The following CNOT6L variants were observed in gnomAD, a reference collection of about 807,000 sequenced individuals.
The protein encoded by CNOT6L is CCR4-NOT transcription complex subunit 6-like.
Under a neutral mutation model 64.0 loss-of-function variants are expected in CNOT6L, and 7 were observed. The ratio of observed to expected loss-of-function variants is 0.11; its 90% CI spans 0.06 to 0.21. The LOEUF (loss-of-function observed/expected upper bound fraction) is 0.21, where lower values mean the gene tolerates loss of function less well. Ranked by LOEUF, CNOT6L falls within the 10% of genes least tolerant of loss-of-function variation. CNOT6L has a pLI of 1.00. For synonymous variants in CNOT6L, 193 were observed against 243.4 expected, an observed-to-expected ratio of 0.79 and a Z score of 1.93; for missense variants, 245 against 669.0, an observed-to-expected ratio of 0.37 and a Z score of 6.99.
chr4:77,769,810 T>C (rs965719050), intron 4 of CNOT6L, among the ~76,000 whole-genome samples: 2 of 152,132 alleles, frequency 1.3e-5, no homozygotes, highest in Non-Finnish European at 2.9e-5. Context: ...CAAGTAATCC[T>C]TGGAAGAAAG....
rs1720742301 is a variant in CNOT6L, at chr4:77,716,300, C to G, written c.*4131G>C. 6.6e-6 allele frequency: 1 copy of G among 152,022 alleles called. No homozygotes were observed. Among genetic ancestry groups the G allele is most frequent in the African/African-American group, 2.4e-5 (1 of 41,406 alleles). 9.4% of individuals were successfully genotyped at this position (152,022 alleles called of 1,614,324 possible). A position where few individuals can be genotyped will look rare whatever the true frequency, so the allele number is the denominator to read the frequency against. On this transcript the variant is annotated 3_prime_UTR_variant, in exon 12 of 12. Transcript: ENST00000504123. Reference sequence around the variant, plus strand: ...ATATTTTGCAAAGCTATTAAAATATCTCAGAAACAGAATAAAAAAGCTTAG... The same window carrying G: ...ATATTTTGCAAAGCTATTAAAATATGTCAGAAACAGAATAAAAAAGCTTAG...
At chr4:77,802,740 T>C (rs1455792190) in intron 1 of CNOT6L, among the ~76,000 whole-genome samples, 3 of 152,192 alleles carry the variant, frequency 2.0e-5, no homozygotes, top group Non-Finnish European at 2.9e-5. Flanking sequence ...AACTATCATT[T>C]TACAGATGAG....
rs1049604229 is a variant in CNOT6L at position 77,715,840 on chromosome 4, T to C, written c.*4591A>G. On this transcript the variant is annotated 3_prime_UTR_variant, in exon 12 of 12. Transcript: ENST00000504123. ...AAAATGAAAGATGCTCTTGGCATCC[T>C]GTTCTTAAACAGATTAGAACTTTGG... is the stretch of plus-strand genomic sequence containing the variant. 6.6e-6 allele frequency: 1 copy of C among 152,406 alleles called. No homozygotes were observed. Among genetic ancestry groups the C allele is most frequent in the Non-Finnish European group, 1.5e-5 (1 of 67,882 alleles). The allele number at this position is 152,406 out of a possible 1,614,324, so 9.4% of individuals were successfully genotyped here. A position where few individuals can be genotyped will look rare whatever the true frequency, so the allele number is the denominator to read the frequency against.
intron 10 of CNOT6L, among the ~76,000 whole-genome samples, 177 bp from the exon 11 acceptor site, chr4:77,726,546 A>C (rs911152596): frequency 6.6e-6 from 1 of 152,252 alleles, no homozygotes; most frequent in African/African-American, 2.4e-5. Context: ...CAGCCATTTC[A>C]TATGAGTCAA....
At position 77,726,264 on chromosome 4, in the gene CNOT6L, T is replaced by C. The variant is rs747411145; in HGVS notation, c.1358A>G (p.Asn453Ser). 9.3e-6 allele frequency: 15 copies of C among 1,613,926 alleles called. No homozygotes were observed. The highest frequency in any genetic ancestry group is 6.6e-5 in the South Asian group (6 of 91,090). ...TGTGATTCTCCCTTCTGAGCTTCCATTCTTTCCATTGCAGCTGAAGTTCAT... is the reference window on the plus strand; with the variant it reads ...TGTGATTCTCCCTTCTGAGCTTCCACTCTTTCCATTGCAGCTGAAGTTCAT... ...CLMNFSCNGK[N>S]GSSEGRITHG... Residue 453 changes from asparagine to serine, a missense_variant, in exon 11 of 12, where the codon AAT becomes AGT. This residue lies in a region of CNOT6L where 20 missense variants were observed against 38.3 expected (regional missense o/e 0.52). Coordinates refer to ENST00000504123, the MANE Select transcript of CNOT6L (RefSeq NM_144571.3).
chr4:77,742,360 G>C (rs542335215), intron 7 of CNOT6L, 65 bp from the exon 8 acceptor site: 15 of 1,399,778 alleles, frequency 1.1e-5, no homozygotes, highest in Non-Finnish European at 8.9e-6. Flanking sequence ...ATATAAAAAT[G>C]TTCAGCATTA....
At chr4:77,763,058 G>T (rs755574068) in intron 4 of CNOT6L, among the ~76,000 whole-genome samples, 1 of 151,934 alleles carries the variant, frequency 6.6e-6, no homozygotes, top group Admixed American at 6.6e-5. Context: ...AATTTCAAAC[G>T]AAGAGAAAGT....
At chr4:77,752,968 T>C (rs577437787) in intron 5 of CNOT6L, among the ~76,000 whole-genome samples, 2 of 150,314 alleles carry the variant, frequency 1.3e-5, no homozygotes, top group South Asian at 4.2e-4. Context: ...TCTGCATAAA[T>C]TAATATCTGA....
At chr4:77,801,556 A>T (rs1157813244) in intron 1 of CNOT6L, among the ~76,000 whole-genome samples, 1 of 152,184 alleles carries the variant, frequency 6.6e-6, no homozygotes, top group African/African-American at 2.4e-5. Context: ...GTCAAGGAAT[A>T]CAGTTTGATA....
chr4:77,787,692 G>A (rs1181245377), intron 1 of CNOT6L, among the ~76,000 whole-genome samples: 1 of 152,132 alleles, frequency 6.6e-6, no homozygotes, highest in Non-Finnish European at 1.5e-5. Flanking sequence ...TTCTAAATTT[G>A]GGATTCTTTA....
At chr4:77,739,291 G>T (rs1340457492) in intron 8 of CNOT6L, among the ~76,000 whole-genome samples, 1 of 152,160 alleles carries the variant, frequency 6.6e-6, no homozygotes, top group Non-Finnish European at 1.5e-5. Context: ...GATTACAGAA[G>T]AAAGAGACTG....
At chr4:77,738,348 A>G (rs1393716272) in intron 8 of CNOT6L, among the ~76,000 whole-genome samples, 1 of 152,146 alleles carries the variant, frequency 6.6e-6, no homozygotes, top group Non-Finnish European at 1.5e-5. Flanking sequence ...TTTCATCTTC[A>G]TATTTTCCCC....
chr4:77,774,755 G>A, intron 2 of CNOT6L, 39 bp from the exon 3 acceptor site: 1 of 1,365,608 alleles, frequency 7.3e-7, no homozygotes, highest in Admixed American at 3.0e-5. Context: ...AAAAACCCCA[G>A]GCCCAAGATG....
At position 77,803,836 on chromosome 4, in the gene CNOT6L, A is replaced by G. The variant is rs61133738; in HGVS notation, c.5+15468T>C. 1.8e-3 allele frequency among the ~76,000 whole-genome samples: 269 copies of G among 151,800 alleles called. 2 individuals are homozygous for G. Among genetic ancestry groups the G allele is most frequent in the African/African-American group, 5.4e-3 (225 of 41,382 alleles). ...GAGAATCGCTTGAACCCGGGAGGCCAAGGCTGCAGTGAGCCGAGATCATGC... is the reference window on the plus strand; with the variant it reads ...GAGAATCGCTTGAACCCGGGAGGCCGAGGCTGCAGTGAGCCGAGATCATGC... On this transcript the variant is annotated intron_variant, in intron 1 of 11. Transcript: ENST00000504123.
At chr4:77,805,520 TTC>T (rs1193675915) in intron 1 of CNOT6L, among the ~76,000 whole-genome samples, 3 of 152,220 alleles carry the variant, frequency 2.0e-5, no homozygotes, top group Admixed American at 6.5e-5. Flanking sequence ...TACCTGTGAT[TTC>T]TGTCACTAAC....
chr4:77,804,383 C>G (rs1036268692), intron 1 of CNOT6L, among the ~76,000 whole-genome samples: 1 of 150,380 alleles, frequency 6.6e-6, no homozygotes, highest in Non-Finnish European at 1.5e-5. Context: ...GAACCGGTAT[C>G]GTGCCACTGC....
rs1723914552 is a variant in CNOT6L at position 77,744,026 on chromosome 4, C to T, written c.717+692G>A. Among the ~76,000 whole-genome samples the T allele has an allele frequency of 2.6e-5, 4 of 152,190 alleles. No homozygotes were observed. In the South Asian group the frequency reaches 8.3e-4, roughly 32 times the overall value. Reference sequence around the variant, plus strand: ...TGTATCAAAACATCACAATGTACCCCATAAACATATACAATTATTTGTCAA... The same window carrying T: ...TGTATCAAAACATCACAATGTACCCTATAAACATATACAATTATTTGTCAA... On this transcript the variant is annotated intron_variant, in intron 7 of 11. Transcript: ENST00000504123.
At chr4:77,808,481 AG>A in intron 1 of CNOT6L, among the ~76,000 whole-genome samples, 3 of 150,812 alleles carry the variant, frequency 2.0e-5, no homozygotes, top group African/African-American at 4.9e-5. Flanking sequence ...AAAAAAAAAA[AG>A]AGAAGAGAAA....
rs2062637 is a variant in CNOT6L at position 77,747,646 on chromosome 4, C to A, written c.559+670G>T. 0.013 allele frequency among the ~76,000 whole-genome samples: 1,965 copies of A among 152,064 alleles called. 83 individuals are homozygous for A. The East Asian group carries it at 0.16, about 12-fold the overall frequency. ...ACTTATTTTAAGTAGAATTCCCAAG[C>A]CTAAAATGTCAAATATGAAGAAGCT... On this transcript the variant is annotated intron_variant, in intron 6 of 11. Transcript: ENST00000504123.
Sources: gnomAD v4.1 joint callset for allele counts (sites outside exome capture counted in the v4.1 genomes callset) on GRCh38, gnomAD v4.1.1 for gene constraint, gnomAD v4.1.1 regional missense constraint, MANE v1.5 for transcripts, NCBI Gene and HGNC (gene_info 2026-07-23, HGNC 2026-07-21) for gene names.